The following DROSHA variants were observed in gnomAD, a reference collection of about 807,000 sequenced individuals.
The protein encoded by DROSHA is ribonuclease 3.
In DROSHA, 56 loss-of-function variants were observed where a neutral mutation model predicts 181.9. That is an observed-to-expected ratio of 0.31 (90% CI 0.25 to 0.38). The LOEUF is 0.38. Ranked by LOEUF, DROSHA falls within the 10% of genes least tolerant of loss-of-function variation. The pLI is 1.00. For missense variants in DROSHA, 1,218 were observed against 1,743.5 expected, an observed-to-expected ratio of 0.70 and a Z score of 5.37; for synonymous variants, 524 against 591.2, an observed-to-expected ratio of 0.89 and a Z score of 1.65.
At chr5:31,419,281 C>A (rs1470085639) in intron 30 of DROSHA, among the ~76,000 whole-genome samples, 1 of 152,198 alleles carries the variant, frequency 6.6e-6, no homozygotes, top group Admixed American at 6.5e-5. Flanking sequence ...TCTGCTGGTC[C>A]TGCTAATTTC....
chr5:31,422,279 G>T (rs997574949), intron 29 of DROSHA, among the ~76,000 whole-genome samples: 9 of 151,966 alleles, frequency 5.9e-5, no homozygotes, highest in Non-Finnish European at 1.2e-4. Flanking sequence ...CAACCCCAAA[G>T]AAGTAAAATT....
chr5:31,471,016 T>C (rs910326715), intron 17 of DROSHA, among the ~76,000 whole-genome samples: 1 of 152,244 alleles, frequency 6.6e-6, no homozygotes. Context: ...TTATGTGGCT[T>C]AACAGTATAA....
At chr5:31,457,237 C>T (rs989034903) in intron 20 of DROSHA, among the ~76,000 whole-genome samples, 2 of 149,010 alleles carry the variant, frequency 1.3e-5, no homozygotes, top group African/African-American at 4.9e-5. Context: ...TATTCTCCTG[C>T]CTCAGCCTCC....
At chr5:31,454,790 A>G (rs999478971) in intron 20 of DROSHA, among the ~76,000 whole-genome samples, 2 of 151,910 alleles carry the variant, frequency 1.3e-5, no homozygotes, top group African/African-American at 4.8e-5. Context: ...AACACAAAAA[A>G]TTAGCCGGGT....
At chr5:31,478,936 A>G (rs772847586) in intron 16 of DROSHA, among the ~76,000 whole-genome samples, 1 of 152,220 alleles carries the variant, frequency 6.6e-6, no homozygotes, top group Non-Finnish European at 1.5e-5. Context: ...TTACAGAAAC[A>G]AACAAATGCA....
At chr5:31,435,115 A>C (rs1488174659) in intron 25 of DROSHA, among the ~76,000 whole-genome samples, 1 of 152,236 alleles carries the variant, frequency 6.6e-6, no homozygotes, top group African/African-American at 2.4e-5. Flanking sequence ...CCTGTTTGTA[A>C]GAGGAGGAGT....
Position 31,529,153 on chromosome 5 carries a change from G to A in DROSHA, c.-46-48C>T, listed in dbSNP as rs1223882199. The A allele has an allele frequency of 5.4e-6, 8 of 1,492,732 alleles. No individual in the cohort carries two copies. In the East Asian group the frequency reaches 1.4e-4, roughly 27 times the overall value. The allele number at this position is 1,492,732 out of a possible 1,614,324, so 92.5% of individuals were successfully genotyped here. ...CAGACATAAACATGTTTCCCAAACT[G>A]CCAATGCTACAAAATATTTCTGCAA... On this transcript the variant is annotated intron_variant, in intron 3 of 35. Transcript: ENST00000344624.
intron 19 of DROSHA, 103 bp downstream of exon 19, chr5:31,466,079 T>A (rs947896373): frequency 8.5e-7 from 1 of 1,182,510 alleles, no homozygotes. Context: ...TTTAAAAAAA[T>A]ATTTTTCCAT....
intron 30 of DROSHA, among the ~76,000 whole-genome samples, chr5:31,412,026 C>T (rs1741372852): frequency 6.6e-6 from 1 of 152,214 alleles, no homozygotes; most frequent in Non-Finnish European, 1.5e-5. Context: ...TTTCATCAGA[C>T]AGCTAAGAGT....
At chr5:31,509,420 GT>G (rs1738399044) in intron 9 of DROSHA, among the ~76,000 whole-genome samples, 1 of 152,206 alleles carries the variant, frequency 6.6e-6, no homozygotes, top group Admixed American at 6.5e-5. Context: ...TAAAAGGGCA[GT>G]TTCACTGGGA....
chr5:31,485,054 T>C (rs1751569638), intron 14 of DROSHA, 92 bp from the exon 15 acceptor site: 2 of 902,470 alleles, frequency 2.2e-6, no homozygotes, highest in South Asian at 3.4e-5. Context: ...TCTTTAAAAG[T>C]GTCTGTTAAA....
rs1739978463 is a variant in DROSHA at position 31,401,386 on chromosome 5, T to C, written c.*46A>G. 6.3e-7 allele frequency: 1 copy of C among 1,599,750 alleles called. No individual in the cohort carries two copies. The highest frequency in any genetic ancestry group is 8.5e-7 in the Non-Finnish European group (1 of 1,170,798). The stretch of plus-strand genomic sequence containing the variant: ...TAGGCTAGGTCTCAATAGACAACAG[T>C]CACAGTTACTGAGCAAGTAAATACT... On this transcript the variant is annotated 3_prime_UTR_variant, in exon 36 of 36. Transcript: ENST00000344624.
At chr5:31,440,599 TG>T (rs1434586189) in intron 23 of DROSHA, among the ~76,000 whole-genome samples, 2 of 152,230 alleles carry the variant, frequency 1.3e-5, no homozygotes, top group Non-Finnish European at 2.9e-5. Context: ...TTTCAATTTA[TG>T]GCCTTTAATT....
chr5:31,528,507 A>C (rs915016261), intron 4 of DROSHA, among the ~76,000 whole-genome samples: 8 of 152,134 alleles, frequency 5.3e-5, no homozygotes, highest in Admixed American at 1.3e-4. Flanking sequence ...TTAGCTAAAA[A>C]TTTACTTTAA....
chr5:31,463,531 C>T (rs993684075), intron 20 of DROSHA, among the ~76,000 whole-genome samples: 1 of 152,144 alleles, frequency 6.6e-6, no homozygotes, highest in African/African-American at 2.4e-5. Context: ...CTAACCATAG[C>T]CTGAGTACTC....
intron 24 of DROSHA, among the ~76,000 whole-genome samples, chr5:31,436,206 G>C (rs184036260): frequency 8.5e-5 from 13 of 152,162 alleles, no homozygotes; most frequent in Non-Finnish European, 1.6e-4. Flanking sequence ...GCTTTTCCTT[G>C]GGCTGTGTTA....
chr5:31,425,695 A>G (rs1414334662), intron 27 of DROSHA, among the ~76,000 whole-genome samples: 1 of 152,118 alleles, frequency 6.6e-6, no homozygotes, highest in Admixed American at 6.6e-5. Flanking sequence ...ATGGGCACCT[A>G]TTACTCCATA....
At position 31,504,595 on chromosome 5, in the gene DROSHA, C is replaced by G; in HGVS notation, c.1628G>C (p.Arg543Thr). The change falls in exon 11 of 36, where the codon AGA (arginine) becomes ACA (threonine). Residue 543 changes from arginine to threonine, a missense_variant. Arg to Thr is a moderately conservative substitution (Grantham distance 71). Around this residue, in one of 8 missense-constraint regions of DROSHA, gnomAD observed 460 missense variants for 774.2 expected, o/e 0.59. Coordinates refer to ENST00000344624, the MANE Select transcript of DROSHA (RefSeq NM_001382508.1). ...AATGCTGTGCCTAATTCCTGTGCGT[C>G]TTGCCTTTGCGCTGCATTTGCAGAG... is the stretch of plus-strand genomic sequence containing the variant. ...GPLCKCSAKARRTGIRHSIYP... is the reference protein window; with the variant it reads ...GPLCKCSAKATRTGIRHSIYP... 5 of 1,614,006 alleles carry G rather than the reference C, an allele frequency of 3.1e-6. No individual in the cohort carries two copies. Among genetic ancestry groups the G allele is most frequent in the Non-Finnish European group, 4.2e-6 (5 of 1,179,888 alleles).
At chr5:31,484,374 C>T (rs189955666) in intron 15 of DROSHA, among the ~76,000 whole-genome samples, 7,995 of 100,312 alleles carry the variant, frequency 0.08, 536 homozygotes, top group East Asian at 0.19. Context: ...GAGCGAGACT[C>T]CGTCTCAAAA....
Sources: gnomAD v4.1 joint callset for allele counts (sites outside exome capture counted in the v4.1 genomes callset) on GRCh38, gnomAD v4.1.1 for gene constraint, gnomAD v4.1.1 regional missense constraint, MANE v1.5 for transcripts, NCBI Gene and HGNC (gene_info 2026-07-23, HGNC 2026-07-21) for gene names.